The following NT5C3A variants were observed in gnomAD, a reference collection of about 807,000 sequenced individuals.
NT5C3A encodes the protein cytosolic 5'-nucleotidase 3A.
A neutral mutation model predicts 40.0 loss-of-function variants in NT5C3A; 23 were observed. That is an observed-to-expected ratio of 0.58 (90% confidence interval 0.41 to 0.81). The LOEUF is 0.81. Among genes scored for constraint, NT5C3A ranks in the 40% least tolerant of loss-of-function variants. NT5C3A has a pLI of 0.00. For synonymous variants in NT5C3A, 130 were observed against 141.4 expected (o/e 0.92, Z 0.57); for missense variants, 328 against 403.0 (o/e 0.81, Z 1.59).
At chr7:33,037,369 T>C (rs1786663533) in intron 1 of NT5C3A, among the ~76,000 whole-genome samples, 2 of 134,338 alleles carry the variant, frequency 1.5e-5, no homozygotes, top group Admixed American at 6.9e-5. Context: ...GCTATGTTTG[T>C]TCCATAATGA....
chr7:33,026,634 G>C lies in NT5C3A; in HGVS notation c.237+183C>G, dbSNP rs549457215. Among the ~76,000 whole-genome samples, 5 of 151,844 alleles carry C rather than the reference G, an allele frequency of 3.3e-5. No homozygotes were observed. The South Asian group carries it at 8.3e-4, about 25-fold the overall frequency. On this transcript the variant is annotated intron_variant, in intron 2 of 8. Coordinates refer to ENST00000610140, the MANE Select transcript of NT5C3A (RefSeq NM_001002010.5). ...GGCCTCCCAAAGTGCTAGGATTACA[G>C]GTGTGAGCCACTATGCCCGGCCATT...
Position 33,014,869 on chromosome 7 carries a change from G to A in NT5C3A, c.895-38C>T, listed in dbSNP as rs72555749. The A allele has an allele frequency of 7.8e-4, 1,208 of 1,543,280 alleles. 9 individuals carry two copies. The East Asian group carries it at 0.025, about 32-fold the overall frequency. On this transcript the variant is annotated intron_variant, in intron 8 of 8. Coordinates refer to ENST00000610140, the MANE Select transcript of NT5C3A (RefSeq NM_001002010.5). ...TGAACAAAAGAAAATTAACATGCAGGGCAAAGAAACAAATAATTTCAGTAT... is the reference window on the plus strand; with the variant it reads ...TGAACAAAAGAAAATTAACATGCAGAGCAAAGAAACAAATAATTTCAGTAT...
At position 33,042,982 on chromosome 7, in the gene NT5C3A, G is replaced by T. The variant is rs114885476; in HGVS notation, c.139-16067C>A. Reference sequence around the variant, plus strand: ...TTATTATGAATAGCTAAAATGTATTGTGTTTACTATGTGCCAGATGCCTCT... The same window carrying T: ...TTATTATGAATAGCTAAAATGTATTTTGTTTACTATGTGCCAGATGCCTCT... On this transcript the variant is annotated intron_variant, in intron 1 of 8. Transcript: ENST00000610140. Among the ~76,000 whole-genome samples, 492 of 152,256 alleles carry T rather than the reference G, an allele frequency of 3.2e-3. 1 individual carries two copies. The highest frequency in any genetic ancestry group is 0.012 in the African/African-American group (480 of 41,552).
chr7:33,017,551 A>G lies in NT5C3A; in HGVS notation c.581T>C (p.Val194Ala). ...GCCGATTCCAGCCGAAAATATGAACACGGGGATGCTATGTTGTTGGAGCTT... is the reference window on the plus strand; with the variant it reads ...GCCGATTCCAGCCGAAAATATGAACGCGGGGATGCTATGTTGTTGGAGCTT... ...FDKLQQHSIP[V>A]FIFSAGIGDV... is the part of the protein sequence containing the mutation. The change falls in exon 7 of 9, where the codon GTG becomes GCG. Residue 194 changes from valine (V) to alanine (A), a missense_variant. By Grantham distance (64) the Val-to-Ala change is moderately conservative. Around this residue, in one of 3 missense-constraint regions of NT5C3A, gnomAD observed 280 missense variants for 317.2 expected, o/e 0.88. Coordinates refer to ENST00000610140, the MANE Select transcript of NT5C3A (RefSeq NM_001002010.5). The G allele has an allele frequency of 6.2e-7, 1 of 1,613,704 alleles. No individual in the cohort carries two copies. Among genetic ancestry groups the G allele is most frequent in the East Asian group, 2.2e-5 (1 of 44,874 alleles).
intron 1 of NT5C3A, chr7:33,039,006 A>ATG: frequency 2.4e-6 from 1 of 422,654 alleles, no homozygotes; most frequent in Non-Finnish European, 4.7e-6. Context: ...AAACTGGAAA[A>ATG]TAATTACTTT....
At chr7:33,051,877 C>T (rs1357661513) in intron 1 of NT5C3A, among the ~76,000 whole-genome samples, 1 of 152,144 alleles carries the variant, frequency 6.6e-6, no homozygotes, top group African/African-American at 2.4e-5. Flanking sequence ...GTGGTCCCAA[C>T]ACACTTTAAA....
At position 33,029,029 on chromosome 7, in the gene NT5C3A, C is replaced by G. The variant is rs187474781; in HGVS notation, c.139-2114G>C. On this transcript the variant is annotated intron_variant, in intron 1 of 8. Coordinates refer to ENST00000610140, the MANE Select transcript of NT5C3A (RefSeq NM_001002010.5). Reference sequence around the variant, plus strand: ...AGAAAGTGTAGAGAAAAGACAAATGCTAACATTAAAATTTTCTCCATGGAT... The same window carrying G: ...AGAAAGTGTAGAGAAAAGACAAATGGTAACATTAAAATTTTCTCCATGGAT... Among the ~76,000 whole-genome samples the G allele has an allele frequency of 3.3e-5, 5 of 151,664 alleles. No homozygotes were observed. The East Asian group carries it at 9.7e-4, about 29-fold the overall frequency.
chr7:33,026,722 G>C, intron 2 of NT5C3A, 95 bp downstream of exon 2: 1 of 833,910 alleles, frequency 1.2e-6, no homozygotes, highest in South Asian at 1.3e-5. Flanking sequence ...TCGAACTCCT[G>C]GGCTCAAGTG....
intron 4 of NT5C3A, chr7:33,021,746 A>G: frequency 2.4e-6 from 1 of 425,090 alleles, no homozygotes; most frequent in South Asian, 2.7e-5. Context: ...CAAAACCTAT[A>G]GAAAACTGAA....
intron 3 of NT5C3A, among the ~76,000 whole-genome samples, chr7:33,023,324 T>C (rs1229158745): frequency 6.6e-6 from 1 of 152,084 alleles, no homozygotes; most frequent in Non-Finnish European, 1.5e-5. Flanking sequence ...AGTTGTGCAA[T>C]CTTGGCTCAC....
chr7:33,021,435 G>A (rs867189667), intron 4 of NT5C3A, 78 bp from the exon 5 acceptor site: 1 of 1,508,804 alleles, frequency 6.6e-7, no homozygotes, highest in African/African-American at 1.4e-5. Context: ...GCAAAACAAT[G>A]TAAACAAGTA....
At chr7:33,055,280 A>G (rs1787526230) in intron 1 of NT5C3A, among the ~76,000 whole-genome samples, 1 of 152,036 alleles carries the variant, frequency 6.6e-6, no homozygotes, top group East Asian at 1.9e-4. Context: ...AGCTGAGATC[A>G]TGCTACTGCG....
chr7:33,047,132 G>A (rs1435322113), intron 1 of NT5C3A, among the ~76,000 whole-genome samples: 1 of 151,994 alleles, frequency 6.6e-6, no homozygotes. Flanking sequence ...AAAGCTTTCT[G>A]TTTTAATTTT....
In NT5C3A at chr7:33,015,702, G is replaced by A. The variant is rs1352338623; in HGVS notation, c.862C>T (p.His288Tyr). ...TTTAGATATCCAATTTTCAGAATGT[G>A]CTCAACATTGGCCACTCCATCTGCC... is the stretch of plus-strand genomic sequence containing the variant. ...RMADGVANVE[H>Y]ILKIGYLNDR... The change falls in exon 8 of 9, where the codon CAC becomes TAC. Residue 288 changes from histidine (H) to tyrosine (Y), a missense_variant. Coordinates refer to ENST00000610140, the MANE Select transcript of NT5C3A (RefSeq NM_001002010.5). The A allele has an allele frequency of 6.2e-7, 1 of 1,609,906 alleles. No individual in the cohort carries two copies. The highest frequency in any genetic ancestry group is 1.1e-5 in the South Asian group (1 of 90,914).
In NT5C3A at chr7:33,062,730, A is replaced by G; in HGVS notation, c.-25T>C. On this transcript the variant is annotated 5_prime_UTR_variant, in exon 1 of 9. Transcript: ENST00000610140. Reference sequence around the variant, plus strand: ...TGGACGGGGCCCTCATGCGCGTCCAAGCAGGAAAAAAACAGGCAGCTCGCG... The same window carrying G: ...TGGACGGGGCCCTCATGCGCGTCCAGGCAGGAAAAAAACAGGCAGCTCGCG... The G allele has an allele frequency of 1.3e-6, 2 of 1,552,216 alleles. No homozygotes were observed. The highest frequency in any genetic ancestry group is 1.7e-6 in the Non-Finnish European group (2 of 1,148,064).
intron 8 of NT5C3A, among the ~76,000 whole-genome samples, chr7:33,015,088 C>T (rs1026654282): frequency 2.6e-5 from 4 of 152,182 alleles, no homozygotes; most frequent in Admixed American, 2.6e-4. Context: ...GTCCACGGAA[C>T]ATTTAGTAAC....
chr7:33,024,158 A>G (rs1785789441), intron 2 of NT5C3A, 50 bp from the exon 3 acceptor site: 2 of 1,061,114 alleles, frequency 1.9e-6, no homozygotes, highest in Non-Finnish European at 2.9e-6. Flanking sequence ...CCACATGGCC[A>G]GAATTTCTCT....
At chr7:33,055,615 A>G (rs1787539266) in intron 1 of NT5C3A, among the ~76,000 whole-genome samples, 1 of 152,194 alleles carries the variant, frequency 6.6e-6, no homozygotes, top group Non-Finnish European at 1.5e-5. Context: ...CGCATTGGCC[A>G]TGACTGGAAC....
chr7:33,054,011 G>A (rs77789712), intron 1 of NT5C3A, among the ~76,000 whole-genome samples: 6 of 152,076 alleles, frequency 3.9e-5, no homozygotes, highest in Non-Finnish European at 8.8e-5. Context: ...ACATTTCCAC[G>A]TTTACAAATT....
Sources: gnomAD v4.1 joint callset for allele counts (sites outside exome capture counted in the v4.1 genomes callset) on GRCh38, gnomAD v4.1.1 for gene constraint, gnomAD v4.1.1 regional missense constraint, MANE v1.5 for transcripts, NCBI Gene and HGNC (gene_info 2026-07-23, HGNC 2026-07-21) for gene names.